CCDC88A: variants seen among roughly 807,000 people sequenced by gnomAD.
CCDC88A encodes girdin.
In CCDC88A, 54 loss-of-function variants were observed where a neutral mutation model predicts 234.3. The observed-to-expected ratio is 0.23, with a 90% CI of 0.19 to 0.29. The LOEUF (loss-of-function observed/expected upper bound fraction) is 0.29. CCDC88A is among the 10% of genes least tolerant of loss of function. The pLI is 1.00. For synonymous variants in CCDC88A, 753 were observed against 737.8 expected, an observed-to-expected ratio of 1.02 and a Z score of -0.33; for missense variants, 1,832 against 2,123.4, an observed-to-expected ratio of 0.86 and a Z score of 2.70.
chr2:55,331,718 T>G (rs944846836), intron 16 of CCDC88A: 1 of 152,206 alleles, frequency 6.6e-6, no homozygotes, highest in Admixed American at 6.5e-5. Flanking sequence ...CATATTTTTT[T>G]AAACCTATAT....
At chr2:55,312,930 CAAGT>C (rs778924073) in intron 22 of CCDC88A, 23 of 171,584 alleles carry the variant, frequency 1.3e-4, no homozygotes, top group Non-Finnish European at 2.0e-4. Context: ...AAATGTTAGA[CAAGT>C]AAGTTCTCAG....
At chr2:55,412,667 C>T (rs1343663546) in intron 2 of CCDC88A, among the ~76,000 whole-genome samples, 2 of 152,150 alleles carry the variant, frequency 1.3e-5, no homozygotes, top group African/African-American at 4.8e-5. Context: ...TGAAACCAGT[C>T]CTTGCTGCCA....
At chr2:55,401,433 C>CAA (rs1418741634) in intron 2 of CCDC88A, among the ~76,000 whole-genome samples, 5 of 30,122 alleles carry the variant, frequency 1.7e-4, no homozygotes, top group African/African-American at 7.3e-4. Context: ...GACTCTGTCT[C>CAA]CAAAAAAAAA....
At chr2:55,295,223 CTG>C in intron 31 of CCDC88A, 1 of 1,327,120 alleles carries the variant, frequency 7.5e-7, no homozygotes, top group Non-Finnish European at 1.0e-6. Context: ...GATCAGAAAA[CTG>C]TTCATTTTCT....
chr2:55,292,472 C>T (rs917758535), intron 31 of CCDC88A: 3 of 152,072 alleles, frequency 2.0e-5, no homozygotes, highest in African/African-American at 4.8e-5. Flanking sequence ...ATTTCACTTA[C>T]AGAAAGTATT....
chr2:55,308,537 A>G (rs1221735469), intron 25 of CCDC88A: 1 of 355,474 alleles, frequency 2.8e-6, no homozygotes, highest in Non-Finnish European at 5.1e-6. Flanking sequence ...ATATTAACAG[A>G]AATAGCAAGT....
At chr2:55,312,759 GTC>G (rs923699540) in intron 22 of CCDC88A, 180 bp from the exon 23 acceptor site, 18 of 484,270 alleles carry the variant, frequency 3.7e-5, no homozygotes, top group South Asian at 7.3e-5. Flanking sequence ...GTTACATGCT[GTC>G]TCTCTCTCTA....
At chr2:55,372,150 G>A (rs3111410) in intron 5 of CCDC88A, among the ~76,000 whole-genome samples, 84,310 of 151,698 alleles carry the variant, frequency 0.56, 24,791 homozygotes, top group Admixed American at 0.65. Context: ...TTTTGGGAGC[G>A]GTTTTTAAGG....
At chr2:55,338,710 T>C (rs772937945) in intron 13 of CCDC88A, among the ~76,000 whole-genome samples, 4 of 152,154 alleles carry the variant, frequency 2.6e-5, no homozygotes, top group Non-Finnish European at 4.4e-5. Context: ...AAGAAAGCTC[T>C]TAAGGAGTGC....
chr2:55,322,452 G>A (rs1683757538), intron 18 of CCDC88A, 76 bp downstream of exon 18: 2 of 808,504 alleles, frequency 2.5e-6, no homozygotes, highest in Non-Finnish European at 3.8e-6. Context: ...ATTAGAAAAT[G>A]TATCTAAGAT....
intron 5 of CCDC88A, among the ~76,000 whole-genome samples, chr2:55,371,192 C>T (rs958804769): frequency 6.6e-6 from 1 of 152,100 alleles, no homozygotes; most frequent in Non-Finnish European, 1.5e-5. Flanking sequence ...GCTGTAAATA[C>T]GAGTTGTGTT....
chr2:55,308,481 T>C, intron 25 of CCDC88A: 1 of 209,072 alleles, frequency 4.8e-6, no homozygotes. Context: ...AACTTGCTCC[T>C]TGTAACTGTC....
At chr2:55,349,750 G>T (rs1389726006) in intron 8 of CCDC88A, 151 bp from the exon 9 acceptor site, 2 of 516,592 alleles carry the variant, frequency 3.9e-6, no homozygotes, top group African/African-American at 2.0e-5. Context: ...AAAAAAGATA[G>T]ATATTAGGAA....
intron 7 of CCDC88A, among the ~76,000 whole-genome samples, chr2:55,361,050 C>A (rs948202508): frequency 6.6e-6 from 1 of 152,168 alleles, no homozygotes; most frequent in Non-Finnish European, 1.5e-5. Context: ...CACACCACTG[C>A]ACTCCAGCCT....
intron 7 of CCDC88A, among the ~76,000 whole-genome samples, chr2:55,360,586 C>T (rs1414724672): frequency 1.3e-5 from 2 of 152,152 alleles, no homozygotes; most frequent in African/African-American, 4.8e-5. Context: ...AACAAAAATG[C>T]TTAATTGGCA....
chr2:55,297,336 A>ATTT (rs1491492722), intron 29 of CCDC88A, among the ~76,000 whole-genome samples: 1 of 48,718 alleles, frequency 2.1e-5, no homozygotes, highest in African/African-American at 6.8e-5. Context: ...TATAATATAT[A>ATTT]AATTTATATA....
chr2:55,393,694 C>T (rs563367908), intron 2 of CCDC88A, among the ~76,000 whole-genome samples: 7 of 152,200 alleles, frequency 4.6e-5, no homozygotes, highest in Non-Finnish European at 1.0e-4. Context: ...AAAAAAAAAT[C>T]ACACCATCAG....
At chr2:55,402,863 G>A (rs1007398095) in intron 2 of CCDC88A, among the ~76,000 whole-genome samples, 9 of 151,938 alleles carry the variant, frequency 5.9e-5, no homozygotes, top group African/African-American at 2.2e-4. Context: ...CAAAAAATTA[G>A]CCAGGCGTGG....
intron 22 of CCDC88A, chr2:55,315,298 G>A (rs1558652628): frequency 6.6e-6 from 1 of 152,210 alleles, no homozygotes; most frequent in Non-Finnish European, 1.5e-5. Flanking sequence ...CCAGGCACAG[G>A]AACCAGGGAA....
Sources: allele counts gnomAD v4.1 joint callset (sites outside exome capture counted in the v4.1 genomes callset), GRCh38; gene constraint gnomAD v4.1.1; transcripts MANE v1.5; gene names NCBI Gene and HGNC (gene_info 2026-07-23, HGNC 2026-07-21).